The following PRRT1B variants were observed in gnomAD, a reference collection of about 807,000 sequenced individuals.
PRRT1B encodes dispanin subfamily D member 2.
intron 1 of PRRT1B, among the ~76,000 whole-genome samples, chr9:131,550,658 C>T (rs112828937): frequency 0.21 from 31,249 of 152,078 alleles, 5,235 homozygotes; most frequent in African/African-American, 0.46. Context: ...GACTGCGCCC[C>T]GTAGCCTTTC....
rs141965932 is a variant in PRRT1B, at chr9:131,551,389, C to T, written c.26-3168C>T. Among the ~76,000 whole-genome samples, 2 of 152,040 alleles carry T rather than the reference C, an allele frequency of 1.3e-5. No individual in the cohort carries two copies. Among genetic ancestry groups the T allele is most frequent in the South Asian group, 2.1e-4 (1 of 4,826 alleles). ...TAATCTCTCCCACTCTAGGTTCCCA[C>T]GCCGCCCCTAATCTCGCTTGAAGCA... is the stretch of plus-strand genomic sequence containing the variant. On this transcript the variant is annotated intron_variant, in intron 1 of 3. Transcript: ENST00000636672. This position sits in a 1 kb window ranked among gnomAD's most constrained non-coding sequence, Gnocchi z 4.4.
At chr9:131,554,711 C>A (rs1951035563) in exon 2 of PRRT1B, 1 of 359,380 alleles carries the variant, frequency 2.8e-6, no homozygotes, top group East Asian at 4.1e-5. Flanking sequence ...ACGGGGCGCC[C>A]AGCGAGGACG....
In PRRT1B at chr9:131,557,922, G is replaced by A. The variant is rs191830916; in HGVS notation, c.643-131G>A. ...TGCCCCCTTTCGAGCTGTGGGCCTG[G>A]CAGGTCCCTGACCTTTTCAGCATGT... is the stretch of plus-strand genomic sequence containing the variant. On this transcript the variant is annotated intron_variant, in intron 3 of 3. Coordinates refer to ENST00000636672, the Ensembl canonical transcript of PRRT1B. 773 of 397,276 alleles carry A rather than the reference G, an allele frequency of 1.9e-3. 5 individuals are homozygous for A. Among genetic ancestry groups the A allele is most frequent in the Middle Eastern group, 3.1e-3 (5 of 1,590 alleles). The allele number at this position is 397,276 out of a possible 1,614,324, so 24.6% of individuals were successfully genotyped here.
intron 1 of PRRT1B, among the ~76,000 whole-genome samples, chr9:131,547,057 C>T (rs1950980627): frequency 7.8e-6 from 1 of 127,480 alleles, no homozygotes; most frequent in African/African-American, 3.5e-5. Context: ...AGCCTGGCCT[C>T]CTGTTCGCTT....
intron 2 of PRRT1B, among the ~76,000 whole-genome samples, chr9:131,555,330 G>C (rs1371501237): frequency 1.4e-5 from 2 of 145,440 alleles, no homozygotes; most frequent in Non-Finnish European, 2.9e-5. Flanking sequence ...GGAACCCGTG[G>C]GGAGGGACCC....
chr9:131,556,513 G>A (rs556152174), intron 3 of PRRT1B, among the ~76,000 whole-genome samples: 3 of 152,250 alleles, frequency 2.0e-5, no homozygotes, highest in African/African-American at 7.2e-5. Flanking sequence ...GTTTTAAAGG[G>A]GGTACAATCT....
At chr9:131,547,400 G>T (rs1281716765) in intron 1 of PRRT1B, among the ~76,000 whole-genome samples, 1 of 152,038 alleles carries the variant, frequency 6.6e-6, no homozygotes, top group Admixed American at 6.6e-5. Context: ...TGGCTCAAAA[G>T]CTCCCTCACT....
chr9:131,555,269 G>T (rs1951041602), intron 2 of PRRT1B, among the ~76,000 whole-genome samples: 1 of 152,248 alleles, frequency 6.6e-6, no homozygotes, highest in Non-Finnish European at 1.5e-5. Context: ...GAGACTGGGC[G>T]TTCTGGGGAT....
chr9:131,556,847 G>T (rs920316927), intron 3 of PRRT1B, among the ~76,000 whole-genome samples: 1 of 151,834 alleles, frequency 6.6e-6, no homozygotes, highest in African/African-American at 2.4e-5. Flanking sequence ...TGGCCAGGCT[G>T]GTCTTGAACT....
intron 1 of PRRT1B, among the ~76,000 whole-genome samples, chr9:131,553,258 A>T (rs1041857891): frequency 6.6e-6 from 1 of 152,200 alleles, no homozygotes; most frequent in Non-Finnish European, 1.5e-5. Context: ...CTTCCCAAAC[A>T]GAAACTCTAC....
At chr9:131,557,199 T>C (rs1951056309) in intron 3 of PRRT1B, among the ~76,000 whole-genome samples, 1 of 152,168 alleles carries the variant, frequency 6.6e-6, no homozygotes, top group South Asian at 2.1e-4. Context: ...ATCTATTTAT[T>C]AGGCCCTTGG....
intron 1 of PRRT1B, among the ~76,000 whole-genome samples, chr9:131,548,875 T>G (rs1339033260): frequency 6.6e-6 from 1 of 152,170 alleles, no homozygotes; most frequent in Non-Finnish European, 1.5e-5. Context: ...GCCCAGCAAT[T>G]TCCTCTTAAA....
chr9:131,552,619 A>T (rs1487215927), intron 1 of PRRT1B, among the ~76,000 whole-genome samples: 1 of 150,462 alleles, frequency 6.6e-6, no homozygotes, highest in African/African-American at 2.5e-5. Flanking sequence ...GTTTTTTTTT[A>T]GGCTGGTCTG....
intron 1 of PRRT1B, among the ~76,000 whole-genome samples, chr9:131,547,063 C>T (rs1950980735): frequency 1.2e-5 from 1 of 85,184 alleles, no homozygotes; most frequent in Admixed American, 1.4e-4. Flanking sequence ...GCCTCCTGTT[C>T]GCTTTTTTTT....
At chr9:131,547,267 A>G (rs183636966) in intron 1 of PRRT1B, among the ~76,000 whole-genome samples, 3 of 152,152 alleles carry the variant, frequency 2.0e-5, no homozygotes, top group African/African-American at 7.2e-5. Flanking sequence ...AACTGCATGT[A>G]CACATCCAGA....
At chr9:131,547,774 C>T (rs1470666295) in intron 1 of PRRT1B, among the ~76,000 whole-genome samples, 1 of 152,174 alleles carries the variant, frequency 6.6e-6, no homozygotes, top group Non-Finnish European at 1.5e-5. Flanking sequence ...ATCCAGTAAG[C>T]GGCCTCTCTT....
Position 131,554,483 on chromosome 9 carries a change from G to A in PRRT1B, c.26-74G>A, listed in dbSNP as rs74970123. 5.8e-3 allele frequency: 2,123 copies of A among 368,916 alleles called. 65 individuals are homozygous for A. In the East Asian group the frequency reaches 0.058, roughly 10 times the overall value. 22.9% of individuals were successfully genotyped at this position (368,916 alleles called of 1,614,324 possible). ...GCAGAGGGCTGGGAGCTTGGTTCGT[G>A]GGAACTGCGGGACCAGCGACGTCCC... On this transcript the variant is annotated intron_variant, in intron 1 of 3. Coordinates refer to ENST00000636672, the Ensembl canonical transcript of PRRT1B.
At chr9:131,554,777 C>A in exon 2 of PRRT1B, 1 of 327,836 alleles carries the variant, frequency 3.1e-6, no homozygotes, top group Non-Finnish European at 5.5e-6. Context: ...AGGCGGCGGG[C>A]GAGGCCGGGC....
At chr9:131,546,812 C>T (rs1441293435) in intron 1 of PRRT1B, among the ~76,000 whole-genome samples, 2 of 152,182 alleles carry the variant, frequency 1.3e-5, no homozygotes, top group Admixed American at 6.5e-5. Flanking sequence ...GCCCTATCTC[C>T]GCGCCATCGG....
Sources: gnomAD v4.1 joint callset for allele counts (sites outside exome capture counted in the v4.1 genomes callset) on GRCh38, gnomAD v4.1.1 for gene constraint, Gnocchi (gnomAD v3.1) non-coding constraint, MANE v1.5 for transcripts, NCBI Gene and HGNC (gene_info 2026-07-23, HGNC 2026-07-21) for gene names.